The following BRSK2 variants were observed in gnomAD, a reference collection of about 807,000 sequenced individuals.
BRSK2 encodes the protein serine/threonine-protein kinase BRSK2.
Under a neutral mutation model 83.3 loss-of-function variants are expected in BRSK2, and 19 were observed. That is an observed-to-expected ratio of 0.23 (90% CI 0.16 to 0.33). The LOEUF (loss-of-function observed/expected upper bound fraction) is 0.33, where lower values mean the gene tolerates loss of function less well. BRSK2 is among the 10% of genes least tolerant of loss of function. BRSK2 has a pLI of 1.00. For synonymous variants in BRSK2, 519 were observed against 435.4 expected (o/e 1.19, Z -2.39); for missense variants, 798 against 1,042.3 (o/e 0.77, Z 3.23).
In BRSK2 at chr11:1,445,347, T is replaced by G; in HGVS notation, c.866T>G (p.Ile289Ser). The G allele has an allele frequency of 6.2e-7, 1 of 1,611,762 alleles. No individual in the cohort carries two copies. Among genetic ancestry groups the G allele is most frequent in the Non-Finnish European group, 8.5e-7 (1 of 1,179,538 alleles). ...PEQPIPRKVQ[I>S]RSLPSLEDID... is the part of the protein sequence containing the mutation. ...CAGCCCATTCCTCGCAAGGTGCAGA[T>G]CCGCTCGCTGCCCAGCCTGGAGGAC... The change falls in exon 10 of 20, where the codon ATC (isoleucine) becomes AGC (serine). Residue 289 changes from isoleucine (I) to serine (S), a missense_variant. Transcript: ENST00000528841.
At chr11:1,433,439 T>G (rs1426158681) in intron 1 of BRSK2, among the ~76,000 whole-genome samples, 1 of 152,252 alleles carries the variant, frequency 6.6e-6, no homozygotes, top group Non-Finnish European at 1.5e-5. Context: ...TTTGAGAGCC[T>G]CTGTCTTGGC....
intron 1 of BRSK2, among the ~76,000 whole-genome samples, chr11:1,403,054 C>G (rs1227644728): frequency 6.6e-6 from 1 of 152,174 alleles, no homozygotes; most frequent in African/African-American, 2.4e-5. Context: ...GGGGCCACCA[C>G]GGGGTAGGTG....
At position 1,419,471 on chromosome 11, in the gene BRSK2, A is replaced by T. The variant is rs902692898; in HGVS notation, c.92-16569A>T. Among the ~76,000 whole-genome samples, 3 of 152,068 alleles carry T rather than the reference A, an allele frequency of 2.0e-5. No individual in the cohort carries two copies. The East Asian group carries it at 5.8e-4, about 29-fold the overall frequency. On this transcript the variant is annotated intron_variant, in intron 1 of 19. Coordinates refer to ENST00000528841, the MANE Select transcript of BRSK2 (RefSeq NM_001256627.2). Reference sequence around the variant, plus strand: ...GAATTTTCTCATTTTTTCAGTCCTTATTTAAATAGTTTCTTATTCTAGCAG... The same window carrying T: ...GAATTTTCTCATTTTTTCAGTCCTTTTTTAAATAGTTTCTTATTCTAGCAG...
At chr11:1,411,631 C>A (rs753134517) in intron 1 of BRSK2, 9 of 1,545,872 alleles carry the variant, frequency 5.8e-6, no homozygotes, top group Non-Finnish European at 7.8e-6. Context: ...CCCAGCCCAG[C>A]AGGTGCGTGC....
At position 1,454,729 on chromosome 11, in the gene BRSK2, T is replaced by C; in HGVS notation, c.1668+121T>C. On this transcript the variant is annotated intron_variant, in intron 16 of 19. Coordinates refer to ENST00000528841, the MANE Select transcript of BRSK2 (RefSeq NM_001256627.2). This position sits in a 1 kb window ranked among gnomAD's most constrained non-coding sequence, Gnocchi z 5.2. ...CCACGCGCACAGCACGGACGTCCGC[T>C]CACCCGTGGGCCTGCCTGGCCGCCT... is the stretch of plus-strand genomic sequence containing the variant. The C allele has an allele frequency of 1.5e-6, 2 of 1,325,196 alleles. No homozygotes were observed. Among genetic ancestry groups the C allele is most frequent in the Non-Finnish European group, 2.1e-6 (2 of 973,758 alleles). The allele number at this position is 1,325,196 out of a possible 1,614,324, so 82.1% of individuals were successfully genotyped here. A position where few individuals can be genotyped will look rare whatever the true frequency, so the allele number is the denominator to read the frequency against.
intron 1 of BRSK2, among the ~76,000 whole-genome samples, chr11:1,429,378 G>A (rs1367071952): frequency 6.6e-6 from 1 of 151,912 alleles, no homozygotes; most frequent in Non-Finnish European, 1.5e-5. Flanking sequence ...TGTGCACATG[G>A]GTGTGTGTGC....
At chr11:1,457,136 T>G (rs1590706912) in intron 18 of BRSK2, 2 of 1,217,912 alleles carry the variant, frequency 1.6e-6, no homozygotes, top group East Asian at 5.1e-5. Context: ...GGGCCCTCCA[T>G]GCCCACCCAC....
At chr11:1,451,219 C>T (rs544252844) in intron 14 of BRSK2, 152 bp from the exon 15 acceptor site, 19 of 891,690 alleles carry the variant, frequency 2.1e-5, no homozygotes, top group Middle Eastern at 2.2e-4. Flanking sequence ...CTAAGGTGGC[C>T]GGGAGCTGGG....
At chr11:1,407,755 G>T (rs903830385) in intron 1 of BRSK2, among the ~76,000 whole-genome samples, 1 of 152,258 alleles carries the variant, frequency 6.6e-6, no homozygotes, top group Non-Finnish European at 1.5e-5. Flanking sequence ...GAAGTCTAAC[G>T]TGATCAACTG....
intron 1 of BRSK2, among the ~76,000 whole-genome samples, chr11:1,426,213 G>A (rs1047374096): frequency 4.6e-5 from 7 of 152,088 alleles, no homozygotes; most frequent in African/African-American, 1.7e-4. Flanking sequence ...CACACAGCGG[G>A]CACTGGGGAT....
rs200437668 is a variant in BRSK2, at chr11:1,450,601, C to A, written c.1302C>A (p.Pro434=). The A allele has an allele frequency of 3.8e-6, 6 of 1,584,504 alleles. No individual in the cohort carries two copies. The highest frequency in any genetic ancestry group is 5.1e-6 in the Non-Finnish European group (6 of 1,167,306). The change falls in exon 14 of 20, where the codon CCC becomes CCA. Residue 434 remains proline, a synonymous_variant. Coordinates refer to ENST00000528841, the MANE Select transcript of BRSK2 (RefSeq NM_001256627.2). ...PLSSPRVTPH[P]SPRGSPLPTP... ...CCACCATACAGGTGACCCCTCACCC[C>A]TCACCAAGGGGCAGTCCCCTCCCCA...
chr11:1,434,306 C>T (rs375628741), intron 1 of BRSK2, among the ~76,000 whole-genome samples: 3 of 150,254 alleles, frequency 2.0e-5, no homozygotes, highest in African/African-American at 7.4e-5. Context: ...GGTGTCTGGG[C>T]GCACCTAGGA....
intron 1 of BRSK2, among the ~76,000 whole-genome samples, chr11:1,397,688 C>T (rs376213746): frequency 2.0e-5 from 3 of 152,210 alleles, no homozygotes; most frequent in African/African-American, 2.4e-5. Flanking sequence ...GCACCATGCT[C>T]CTCGTTGGGT....
At chr11:1,401,829 G>A (rs530215475) in intron 1 of BRSK2, among the ~76,000 whole-genome samples, 1 of 152,280 alleles carries the variant, frequency 6.6e-6, no homozygotes, top group East Asian at 1.9e-4. Flanking sequence ...CTCCCGCGAG[G>A]GCGCCTGCCT....
chr11:1,427,851 C>T (rs1341029147), intron 1 of BRSK2, among the ~76,000 whole-genome samples: 4 of 152,222 alleles, frequency 2.6e-5, no homozygotes, highest in Non-Finnish European at 5.9e-5. Context: ...AGGAGGGCCT[C>T]TCACAGCACA....
At chr11:1,416,197 A>T (rs916486486) in intron 1 of BRSK2, among the ~76,000 whole-genome samples, 20 of 152,250 alleles carry the variant, frequency 1.3e-4, no homozygotes, top group African/African-American at 4.8e-4. Context: ...CACACAAACC[A>T]CAGCACTTTG....
intron 18 of BRSK2, among the ~76,000 whole-genome samples, chr11:1,457,284 G>A (rs1339375241): frequency 6.6e-6 from 1 of 152,206 alleles, no homozygotes; most frequent in Non-Finnish European, 1.5e-5. Context: ...GCCGCGGGCT[G>A]CCTGACGGGC....
At chr11:1,425,572 C>T (rs932090899) in intron 1 of BRSK2, among the ~76,000 whole-genome samples, 18 of 152,118 alleles carry the variant, frequency 1.2e-4, no homozygotes, top group Non-Finnish European at 1.3e-4. Flanking sequence ...CCCCTCAGGA[C>T]GTTTCCTCCG....
In BRSK2 at chr11:1,451,504, C is replaced by T. The variant is rs938813437; in HGVS notation, c.1544+85C>T. 35 of 1,403,760 alleles carry T rather than the reference C, an allele frequency of 2.5e-5. No homozygotes were observed. The East Asian group carries it at 2.7e-4, about 11-fold the overall frequency. 87.0% of individuals were successfully genotyped at this position (1,403,760 alleles called of 1,614,324 possible). On this transcript the variant is annotated intron_variant, in intron 15 of 19. Transcript: ENST00000528841. ...CATGGAACCCTTCCCCTATGGCCAA[C>T]GGGGTGCTCCTTCTCCACGTGGCCC...
Sources: gnomAD v4.1 joint callset for allele counts (sites outside exome capture counted in the v4.1 genomes callset) on GRCh38, gnomAD v4.1.1 for gene constraint, Gnocchi (gnomAD v3.1) non-coding constraint, MANE v1.5 for transcripts, NCBI Gene and HGNC (gene_info 2026-07-23, HGNC 2026-07-21) for gene names.